TMPRSS15: variants seen among roughly 807,000 people sequenced by gnomAD.
TMPRSS15 encodes the protein transmembrane serine protease 15.
TMPRSS15 carries 128 observed loss-of-function variants against 125.3 expected under a neutral mutation model. That is an observed-to-expected ratio of 1.02 (90% CI 0.89 to 1.18). The LOEUF (loss-of-function observed/expected upper bound fraction) is 1.18. Among genes scored for constraint, TMPRSS15 ranks in the 50% most tolerant of loss-of-function variants. The probability of loss-of-function intolerance (pLI) is 0.00; values close to 1 mark genes in which losing one functional copy is unlikely to be tolerated. For synonymous variants in TMPRSS15, 446 were observed against 423.2 expected (o/e 1.05, Z -0.66); for missense variants, 1,283 against 1,212.7 (o/e 1.06, Z -0.86).
At chr21:18,276,192 G>A (rs1403779761) in intron 23 of TMPRSS15, among the ~76,000 whole-genome samples, 7 of 152,320 alleles carry the variant, frequency 4.6e-5, no homozygotes, top group Non-Finnish European at 8.8e-5. Context: ...AGCAAAAAAA[G>A]TGTGTTCGTG....
At chr21:18,402,985 C>T (rs112064293) in intron 1 of TMPRSS15, among the ~76,000 whole-genome samples, 4 of 152,152 alleles carry the variant, frequency 2.6e-5, no homozygotes, top group African/African-American at 9.6e-5. Context: ...ACATTTATAT[C>T]CAAGTTATTT....
intron 10 of TMPRSS15, among the ~76,000 whole-genome samples, chr21:18,348,738 A>T (rs1240549285): frequency 6.6e-6 from 1 of 152,222 alleles, no homozygotes; most frequent in African/African-American, 2.4e-5. Flanking sequence ...TTGAAAATTG[A>T]GCAGAGTGAC....
chr21:18,403,391 G>A, intron 1 of TMPRSS15, 87 bp downstream of exon 1: 1 of 1,565,734 alleles, frequency 6.4e-7, no homozygotes, highest in Non-Finnish European at 8.8e-7. Flanking sequence ...AGTTGGCAAT[G>A]AATAAAATAG....
At chr21:18,465,856 A>T (rs1472145648) in intron 1 of TMPRSS15, among the ~76,000 whole-genome samples, 1 of 152,186 alleles carries the variant, frequency 6.6e-6, no homozygotes, top group East Asian at 1.9e-4. Flanking sequence ...TTATACATGC[A>T]ATGCTATTCC....
At position 18,315,749 on chromosome 21, in the gene TMPRSS15, C is replaced by T. The variant is rs1460890334; in HGVS notation, c.1922-493G>A. 4.4e-4 allele frequency among the ~76,000 whole-genome samples: 27 copies of T among 61,658 alleles called. 3 individuals carry two copies. Among genetic ancestry groups the T allele is most frequent in the African/African-American group, 6.9e-4 (16 of 23,156 alleles). The allele number at this position is 61,658 out of a possible 152,430, so 40.5% of individuals were successfully genotyped here. A position where few individuals can be genotyped will look rare whatever the true frequency, so the allele number is the denominator to read the frequency against. ...GCTAGCTTTGATACTGAGTAAATGA[C>T]GAGTTAGTGGGTGCAGCACACCAAC... On this transcript the variant is annotated intron_variant, in intron 16 of 24. Coordinates refer to ENST00000284885, the MANE Select transcript of TMPRSS15 (RefSeq NM_002772.3).
intron 10 of TMPRSS15, among the ~76,000 whole-genome samples, chr21:18,347,285 G>A (rs1569023820): frequency 6.6e-6 from 1 of 152,002 alleles, no homozygotes; most frequent in Non-Finnish European, 1.5e-5. Flanking sequence ...CATTCAGGCT[G>A]GAGTGCGGTA....
At position 18,350,554 on chromosome 21, in the gene TMPRSS15, C is replaced by T. The variant is rs906870745; in HGVS notation, c.1171+2349G>A. Among the ~76,000 whole-genome samples, 33 of 152,060 alleles carry T rather than the reference C, an allele frequency of 2.2e-4. 2 individuals carry two copies. Among genetic ancestry groups the T allele is most frequent in the Non-Finnish European group, 4.4e-5 (3 of 68,002 alleles). On this transcript the variant is annotated intron_variant, in intron 10 of 24. Transcript: ENST00000284885. ...CAACAGATCAGTCATGTTCCCTCTGCCTGGAATAATCTGTGTGGCTAATTC... is the reference window on the plus strand; with the variant it reads ...CAACAGATCAGTCATGTTCCCTCTGTCTGGAATAATCTGTGTGGCTAATTC...
At chr21:18,482,289 AT>A (rs1372379551) in intron 1 of TMPRSS15, among the ~76,000 whole-genome samples, 2 of 151,518 alleles carry the variant, frequency 1.3e-5, no homozygotes, top group Non-Finnish European at 3.0e-5. Flanking sequence ...TTAAATCAGA[AT>A]TTTTACACTT....
chr21:18,392,041 G>A (rs1265317025), intron 3 of TMPRSS15, among the ~76,000 whole-genome samples: 1 of 152,182 alleles, frequency 6.6e-6, no homozygotes, highest in Non-Finnish European at 1.5e-5. Flanking sequence ...ACACAGCAGT[G>A]GGGTCCTGGG....
chr21:18,356,270 A>T (rs1054083481), intron 8 of TMPRSS15, among the ~76,000 whole-genome samples: 1 of 151,860 alleles, frequency 6.6e-6, no homozygotes, highest in Non-Finnish European at 1.5e-5. Flanking sequence ...AACTTTCTAC[A>T]GAATAGGATT....
intron 18 of TMPRSS15, among the ~76,000 whole-genome samples, chr21:18,309,376 G>A (rs1887248731): frequency 6.6e-6 from 1 of 152,106 alleles, no homozygotes; most frequent in African/African-American, 2.4e-5. Flanking sequence ...AACACTAAAA[G>A]CAATGGCAAC....
chr21:18,358,526 A>AT (rs527512850), intron 8 of TMPRSS15, among the ~76,000 whole-genome samples: 163 of 150,728 alleles, frequency 1.1e-3, no homozygotes, highest in South Asian at 1.7e-3. Flanking sequence ...TGGTTGGCCC[A>AT]TTTTTTTTTA....
At chr21:18,428,504 G>T (rs930914047) in intron 1 of TMPRSS15, among the ~76,000 whole-genome samples, 4 of 152,078 alleles carry the variant, frequency 2.6e-5, no homozygotes, top group Non-Finnish European at 5.9e-5. Flanking sequence ...AGGAGAAAAT[G>T]ATTTTGTGGG....
intron 17 of TMPRSS15, among the ~76,000 whole-genome samples, chr21:18,313,347 CTCTA>C (rs981350233): frequency 7.2e-6 from 1 of 138,256 alleles, no homozygotes; most frequent in African/African-American, 2.5e-5. Flanking sequence ...CTCTCTCTCT[CTCTA>C]TATATATATA....
chr21:18,467,055 T>C (rs1463024456), intron 1 of TMPRSS15, among the ~76,000 whole-genome samples: 2 of 152,134 alleles, frequency 1.3e-5, no homozygotes, highest in South Asian at 4.1e-4. Context: ...GTGGCACATA[T>C]ACACCATGGA....
At chr21:18,435,472 G>A (rs965524177) in intron 1 of TMPRSS15, among the ~76,000 whole-genome samples, 7 of 152,128 alleles carry the variant, frequency 4.6e-5, no homozygotes, top group African/African-American at 1.7e-4. Context: ...TGCATCCCAG[G>A]GATGAAGCCC....
At chr21:18,344,141 A>C (rs2075480890) in intron 10 of TMPRSS15, 81 bp from the exon 11 acceptor site, 1 of 1,187,852 alleles carries the variant, frequency 8.4e-7, no homozygotes, top group Admixed American at 1.8e-5. Context: ...TAAGCAGGAA[A>C]GAAAAACTTT....
At chr21:18,352,219 C>T (rs1022508576) in intron 10 of TMPRSS15, among the ~76,000 whole-genome samples, 4 of 151,966 alleles carry the variant, frequency 2.6e-5, no homozygotes, top group Admixed American at 6.6e-5. Context: ...TATTTCACCA[C>T]GATTTCTGGT....
chr21:18,479,784 T>G (rs568656236), intron 1 of TMPRSS15, among the ~76,000 whole-genome samples: 3 of 152,086 alleles, frequency 2.0e-5, no homozygotes, highest in Non-Finnish European at 4.4e-5. Context: ...TTTTAAAATA[T>G]TGGTGGGATG....
Sources: gnomAD v4.1 joint callset for allele counts (sites outside exome capture counted in the v4.1 genomes callset) on GRCh38, gnomAD v4.1.1 for gene constraint, MANE v1.5 for transcripts, NCBI Gene and HGNC (gene_info 2026-07-23, HGNC 2026-07-21) for gene names.